PCNX4: variants seen among roughly 807,000 people sequenced by gnomAD.
PCNX4 encodes pecanex-like protein 4.
Under a neutral mutation model 107.2 loss-of-function variants are expected in PCNX4, and 103 were observed. That is an observed-to-expected ratio of 0.96 (90% CI 0.82 to 1.13). PCNX4 has a LOEUF of 1.13. Among genes scored for constraint, PCNX4 ranks in the 50% most tolerant of loss-of-function variants. The probability of loss-of-function intolerance (pLI) is 0.00; values close to 1 mark genes in which losing one functional copy is unlikely to be tolerated. For missense variants in PCNX4, 1,528 were observed against 1,379.4 expected, an observed-to-expected ratio of 1.11 and a Z score of -1.71; for synonymous variants, 541 against 481.7, an observed-to-expected ratio of 1.12 and a Z score of -1.61.
chr14:60,133,999 T>G lies in PCNX4; in HGVS notation c.3297T>G (p.Leu1099=). The change falls in exon 11 of 11, where the codon CTT becomes CTG. Residue 1099 remains leucine, a synonymous_variant. Coordinates refer to ENST00000406854, the MANE Select transcript of PCNX4 (RefSeq NM_001330177.2). ...MGIYTGRVLS[L]QELLIQVGKL... is the part of the protein sequence containing the mutation. The stretch of plus-strand genomic sequence containing the variant: ...TTTACACTGGGAGAGTGCTTAGCCT[T>G]CAAGAATTATTGATCCAAGTGGGAA... 6.2e-7 allele frequency: 1 copy of G among 1,613,436 alleles called. No individual in the cohort carries two copies. The highest frequency in any genetic ancestry group is 1.3e-5 in the African/African-American group (1 of 75,038).
rs151312134 is a variant in PCNX4, at chr14:60,134,084, G to T, written c.3382G>T (p.Ala1128Ser). The change falls in exon 11 of 11, where the codon GCC becomes TCC. Residue 1128 changes from alanine (A) to serine (S), a missense_variant. Ala to Ser is a moderately conservative substitution (Grantham distance 99). Transcript: ENST00000406854. ...WANLSWELLYATNDDEERYSI... is the reference protein window; with the variant it reads ...WANLSWELLYSTNDDEERYSI... The stretch of plus-strand genomic sequence containing the variant: ...CAATCTTTCATGGGAATTACTTTAT[G>T]CCACAAACGATGATGAAGAACGTTA... 1 of 1,613,798 alleles carries T rather than the reference G, an allele frequency of 6.2e-7. No homozygotes were observed. The highest frequency in any genetic ancestry group is 8.5e-7 in the Non-Finnish European group (1 of 1,179,788).
In PCNX4 at chr14:60,101,421, G is replaced by C. The variant is rs139192780; in HGVS notation, c.-53-6165G>C. Among the ~76,000 whole-genome samples the C allele has an allele frequency of 2.9e-3, 445 of 152,244 alleles. 1 individual carries two copies. Among genetic ancestry groups the C allele is most frequent in the African/African-American group, 0.01 (418 of 41,532 alleles). Reference sequence around the variant, plus strand: ...CATAAAAAGGAACACTCAGATTAAAGAAGAGCTCTCAGAAGTTAAAAAAAT... The same window carrying C: ...CATAAAAAGGAACACTCAGATTAAACAAGAGCTCTCAGAAGTTAAAAAAAT... On this transcript the variant is annotated intron_variant, in intron 1 of 10. Coordinates refer to ENST00000406854, the MANE Select transcript of PCNX4 (RefSeq NM_001330177.2).
Position 60,124,734 on chromosome 14 carries a change from G to A in PCNX4, c.2563G>A (p.Gly855Arg). The change falls in exon 9 of 11, where the codon GGA becomes AGA. Residue 855 changes from glycine (G) to arginine (R), a missense_variant. Gly to Arg is a moderately radical substitution (Grantham distance 125, BLOSUM62 -2). Coordinates refer to ENST00000406854, the MANE Select transcript of PCNX4 (RefSeq NM_001330177.2). ...GCCAGGTACAAATTTGTTTATTCCA[G>A]GATCAGTAGAATCACAGAGGGTTGG... ...DLPGTNLFIPGSVESQRVGDH... is the reference protein window; with the variant it reads ...DLPGTNLFIPRSVESQRVGDH... 1.2e-6 allele frequency: 2 copies of A among 1,613,098 alleles called. No homozygotes were observed. The highest frequency in any genetic ancestry group is 1.7e-6 in the Non-Finnish European group (2 of 1,179,776).
chr14:60,104,388 G>A (rs1365040353), intron 1 of PCNX4, among the ~76,000 whole-genome samples: 1 of 149,164 alleles, frequency 6.7e-6, no homozygotes, highest in Non-Finnish European at 1.5e-5. Flanking sequence ...GTTTAAGACA[G>A]CAATATGTCA....
At position 60,134,784 on chromosome 14, in the gene PCNX4, T is replaced by C. The variant is rs1323841763; in HGVS notation, c.*563T>C. 6.6e-6 allele frequency: 1 copy of C among 152,376 alleles called. No homozygotes were observed. The highest frequency in any genetic ancestry group is 1.5e-5 in the Non-Finnish European group (1 of 68,150). 9.4% of individuals were successfully genotyped at this position (152,376 alleles called of 1,614,324 possible). A position where few individuals can be genotyped will look rare whatever the true frequency, so the allele number is the denominator to read the frequency against. On this transcript the variant is annotated 3_prime_UTR_variant, in exon 11 of 11. Coordinates refer to ENST00000406854, the MANE Select transcript of PCNX4 (RefSeq NM_001330177.2). ...TCAATTCATAAACTTTAAAAAACTT[T>C]TAATAAAATATTTTCCTTCCTTTTC...
chr14:60,100,951 AAC>A (rs1895520221), intron 1 of PCNX4, among the ~76,000 whole-genome samples: 2 of 152,162 alleles, frequency 1.3e-5, no homozygotes, highest in Non-Finnish European at 2.9e-5. Flanking sequence ...ATAATCAACT[AAC>A]AGTCAGGTAC....
chr14:60,100,166 G>A lies in PCNX4; in HGVS notation c.-53-7420G>A, dbSNP rs190045316. On this transcript the variant is annotated intron_variant, in intron 1 of 10. Transcript: ENST00000406854. ...ATATATGAAAAGTTCTTCCAAATTC[G>A]TAAGAAAAATGTTCAAAAATGATCA... Among the ~76,000 whole-genome samples the A allele has an allele frequency of 7.5e-3, 1,135 of 151,888 alleles. 9 individuals carry two copies. The highest frequency in any genetic ancestry group is 0.011 in the Non-Finnish European group (745 of 67,970).
intron 10 of PCNX4, among the ~76,000 whole-genome samples, chr14:60,132,261 A>G (rs897877100): frequency 2.0e-5 from 3 of 152,152 alleles, no homozygotes; most frequent in Non-Finnish European, 4.4e-5. Flanking sequence ...TCATGTGTCA[A>G]TTCTACCACT....
intron 2 of PCNX4, chr14:60,108,536 T>A: frequency 2.6e-6 from 1 of 378,830 alleles, no homozygotes; most frequent in Admixed American, 4.4e-5. Context: ...AGAGTTTTTT[T>A]AAAAAACCCT....
chr14:60,133,955 C>G lies in PCNX4; in HGVS notation c.3268-15C>G. On this transcript the variant is annotated splice_polypyrimidine_tract_variant and intron_variant, in intron 10 of 10. Coordinates refer to ENST00000406854, the MANE Select transcript of PCNX4 (RefSeq NM_001330177.2). ...CTTTTCTTTTTCTCCTCCTCCTACC[C>G]TTTTTACTTTAAAGGGAATTTACAC... 1 of 1,604,746 alleles carries G rather than the reference C, an allele frequency of 6.2e-7. No homozygotes were observed. The highest frequency in any genetic ancestry group is 1.1e-5 in the South Asian group (1 of 90,192).
intron 7 of PCNX4, among the ~76,000 whole-genome samples, chr14:60,120,112 T>G (rs771371514): frequency 3.3e-5 from 5 of 152,124 alleles, no homozygotes; most frequent in Non-Finnish European, 5.9e-5. Context: ...AGCTAAGATT[T>G]ATTACACCAA....
Position 60,124,357 on chromosome 14 carries a change from C to T in PCNX4, c.2186C>T (p.Thr729Ile), listed in dbSNP as rs200069161. The T allele has an allele frequency of 1.5e-4, 244 of 1,613,218 alleles. No individual in the cohort carries two copies. Among genetic ancestry groups the T allele is most frequent in the Non-Finnish European group, 2.0e-4 (234 of 1,179,592 alleles). ...EHFGNVLTPC[T>I]VLPVKLYSDA... ...TTTGGAAATGTCTTGACACCCTGTA[C>T]TGTTTTGCCTGTGAAATTGTATTCT... Residue 729 changes from threonine (T) to isoleucine (I), a missense_variant, in exon 9 of 11, where the codon ACT (threonine) becomes ATT (isoleucine). Physicochemically the swap from Thr to Ile is moderately conservative, Grantham distance 89. Coordinates refer to ENST00000406854, the MANE Select transcript of PCNX4 (RefSeq NM_001330177.2).
chr14:60,134,306 G>A lies in PCNX4; in HGVS notation c.*85G>A. The A allele has an allele frequency of 6.7e-7, 1 of 1,502,936 alleles. No homozygotes were observed. The highest frequency in any genetic ancestry group is 9.1e-7 in the Non-Finnish European group (1 of 1,103,742). 93.1% of individuals were successfully genotyped at this position (1,502,936 alleles called of 1,614,324 possible). The stretch of plus-strand genomic sequence containing the variant: ...GTAACTGTGATTCTTGTAACTTGAG[G>A]ACTTCTCCACACCCCCATTCAGATG... On this transcript the variant is annotated 3_prime_UTR_variant, in exon 11 of 11. Coordinates refer to ENST00000406854, the MANE Select transcript of PCNX4 (RefSeq NM_001330177.2).
At chr14:60,113,901 A>T (rs948845497) in intron 2 of PCNX4, among the ~76,000 whole-genome samples, 2 of 152,242 alleles carry the variant, frequency 1.3e-5, no homozygotes, top group African/African-American at 4.8e-5. Flanking sequence ...TATTTGAAGC[A>T]GTTTGATGAT....
chr14:60,096,393 A>G (rs1191209123), intron 1 of PCNX4, among the ~76,000 whole-genome samples: 1 of 152,226 alleles, frequency 6.6e-6, no homozygotes, highest in African/African-American at 2.4e-5. Flanking sequence ...TATATGCCAT[A>G]TAACATCTTC....
chr14:60,114,573 C>G, intron 2 of PCNX4, 127 bp from the exon 3 acceptor site: 1 of 715,974 alleles, frequency 1.4e-6, no homozygotes. Context: ...TAAGACTTTT[C>G]TGTGGTGTGT....
At chr14:60,108,487 T>C in intron 2 of PCNX4, 160 bp downstream of exon 2, 1 of 548,566 alleles carries the variant, frequency 1.8e-6, no homozygotes, top group South Asian at 4.1e-5. Flanking sequence ...AGGATTAATC[T>C]CTGTAAAACA....
intron 1 of PCNX4, among the ~76,000 whole-genome samples, chr14:60,106,580 A>G (rs1895633730): frequency 1.3e-5 from 2 of 152,170 alleles, no homozygotes; most frequent in South Asian, 4.1e-4. Context: ...GGAAGATGTA[A>G]GAAGATAGAT....
intron 1 of PCNX4, among the ~76,000 whole-genome samples, chr14:60,101,658 A>G (rs1296019831): frequency 1.3e-5 from 2 of 151,972 alleles, no homozygotes; most frequent in Non-Finnish European, 2.9e-5. Flanking sequence ...TTGTGCAGCC[A>G]CTATCTATGC....
Sources: gnomAD v4.1 joint callset for allele counts (sites outside exome capture counted in the v4.1 genomes callset) on GRCh38, gnomAD v4.1.1 for gene constraint, MANE v1.5 for transcripts, NCBI Gene and HGNC (gene_info 2026-07-23, HGNC 2026-07-21) for gene names.